Variants in GRK4 observed in about 807,000 individuals in gnomAD.
The protein encoded by GRK4 is G protein-coupled receptor kinase 2-like.
Under a neutral mutation model 77.9 loss-of-function variants are expected in GRK4, and 73 were observed. The observed-to-expected ratio is 0.94, with a 90% CI of 0.78 to 1.14. The LOEUF (loss-of-function observed/expected upper bound fraction) is 1.14. Ranked by LOEUF, GRK4 falls within the 50% of genes most tolerant of loss-of-function variation. The pLI is 0.00. For missense variants in GRK4, 729 were observed against 700.2 expected (o/e 1.04, Z -0.46); for synonymous variants, 257 against 254.4 (o/e 1.01, Z -0.10).
At chr4:2,969,510 G>A (rs2109388407) in intron 1 of GRK4, among the ~76,000 whole-genome samples, 1 of 151,950 alleles carries the variant, frequency 6.6e-6, no homozygotes, top group East Asian at 1.9e-4. Flanking sequence ...CCAAGTAGCT[G>A]GGATTACAGG....
At chr4:3,003,426 A>C (rs1380521888) in intron 4 of GRK4, among the ~76,000 whole-genome samples, 1 of 151,906 alleles carries the variant, frequency 6.6e-6, no homozygotes, top group African/African-American at 2.4e-5. Flanking sequence ...CCTGACCTCA[A>C]CTGATCCACA....
At chr4:2,979,220 G>A (rs1484514192) in intron 1 of GRK4, among the ~76,000 whole-genome samples, 3 of 147,658 alleles carry the variant, frequency 2.0e-5, no homozygotes, top group Non-Finnish European at 4.5e-5. Flanking sequence ...ACGAGACTCC[G>A]TCTCAAAAAA....
chr4:3,037,727 C>T (rs1741177976), intron 14 of GRK4, among the ~76,000 whole-genome samples: 1 of 151,958 alleles, frequency 6.6e-6, no homozygotes, highest in Admixed American at 6.5e-5. Flanking sequence ...CCAGCCTGGC[C>T]AACATAGTGA....
chr4:3,004,177 C>A, intron 4 of GRK4, 54 bp from the exon 5 acceptor site: 1 of 1,242,562 alleles, frequency 8.0e-7, no homozygotes, highest in Non-Finnish European at 1.2e-6. Flanking sequence ...GTTCTGTTCA[C>A]TAGTAAGTTA....
At chr4:2,979,512 G>A (rs763800295) in intron 1 of GRK4, among the ~76,000 whole-genome samples, 1 of 151,868 alleles carries the variant, frequency 6.6e-6, no homozygotes, top group Non-Finnish European at 1.5e-5. Flanking sequence ...TCAGGAGTTC[G>A]AGACCAGCCT....
rs781448935 is a variant in GRK4 at position 3,038,498 on chromosome 4, A to G, written c.1668A>G (p.Arg556=). Residue 556 remains arginine, a synonymous_variant, in exon 15 of 16, where the codon AGA becomes AGG. Transcript: ENST00000398052. ...VSRPNRGFFY[R]LFRRGGCLTM... Reference sequence around the variant, plus strand: ...GACCAAACAGAGGCTTCTTCTATAGACTCTTCAGAAGAGGGGTAAAAAGAC... The same window carrying G: ...GACCAAACAGAGGCTTCTTCTATAGGCTCTTCAGAAGAGGGGTAAAAAGAC... The G allele has an allele frequency of 6.2e-7, 1 of 1,613,164 alleles. No individual in the cohort carries two copies. The highest frequency in any genetic ancestry group is 8.5e-7 in the Non-Finnish European group (1 of 1,179,846).
chr4:3,032,700 A>G (rs978265156), intron 12 of GRK4, among the ~76,000 whole-genome samples: 3 of 152,240 alleles, frequency 2.0e-5, no homozygotes, highest in Non-Finnish European at 4.4e-5. Context: ...CATTTATGAA[A>G]TGTAGATGAG....
Position 3,019,661 on chromosome 4 carries a change from T to C in GRK4, c.762T>C (p.Tyr254=). 1.2e-6 allele frequency: 2 copies of C among 1,613,644 alleles called. No individual in the cohort carries two copies. The highest frequency in any genetic ancestry group is 1.7e-6 in the Non-Finnish European group (2 of 1,179,676). ...TTTAGGTTAGTTTAGCCTACGCTTA[T>C]GAAACCAAAGATGCCTTGTGCTTGG... ...SRFVVSLAYA[Y]ETKDALCLVL... is the part of the protein sequence containing the mutation. Residue 254 remains tyrosine, a synonymous_variant, in exon 9 of 16, where the codon TAT becomes TAC. Coordinates refer to ENST00000398052, the MANE Select transcript of GRK4 (RefSeq NM_182982.3).
In GRK4 at chr4:3,035,187, G is replaced by T. The variant is rs1578408021; in HGVS notation, c.1270-199G>T. On this transcript the variant is annotated intron_variant, in intron 12 of 15. Transcript: ENST00000398052. Reference sequence around the variant, plus strand: ...GTGAACCCGGGAGGCTGAGCTTGCAGTGAGCCGAGATCGCACCACTGCACT... The same window carrying T: ...GTGAACCCGGGAGGCTGAGCTTGCATTGAGCCGAGATCGCACCACTGCACT... Among the ~76,000 whole-genome samples the T allele has an allele frequency of 2.0e-5, 3 of 152,082 alleles. No individual in the cohort carries two copies. In the Middle Eastern group the frequency reaches 0.01, roughly 517 times the overall value.
intron 6 of GRK4, 134 bp from the exon 7 acceptor site, chr4:3,009,514 C>T (rs1378181123): frequency 1.7e-6 from 1 of 604,270 alleles, no homozygotes; most frequent in South Asian, 2.1e-5. Flanking sequence ...TGAGCACAGA[C>T]ACCCTTTGTC....
intron 1 of GRK4, among the ~76,000 whole-genome samples, chr4:2,980,160 A>G (rs1722470615): frequency 6.6e-6 from 1 of 152,206 alleles, no homozygotes; most frequent in Non-Finnish European, 1.5e-5. Context: ...AGTGCCTGGC[A>G]CACTGGACAT....
intron 9 of GRK4, among the ~76,000 whole-genome samples, chr4:3,020,503 C>A (rs1466376308): frequency 6.6e-6 from 1 of 152,066 alleles, no homozygotes; most frequent in African/African-American, 2.4e-5. Context: ...ATAGTAGTTT[C>A]TTTTTTGCAT....
intron 1 of GRK4, among the ~76,000 whole-genome samples, chr4:2,964,710 A>G (rs554285409): frequency 3.3e-5 from 5 of 152,342 alleles, no homozygotes; most frequent in Non-Finnish European, 4.4e-5. Context: ...TATCATTATT[A>G]AAGTGAGGCA....
At chr4:2,998,649 G>A (rs964459340) in intron 4 of GRK4, among the ~76,000 whole-genome samples, 5 of 151,744 alleles carry the variant, frequency 3.3e-5, no homozygotes, top group South Asian at 2.1e-4. Flanking sequence ...AAGAATGAAC[G>A]TAACAACATA....
At chr4:3,009,608 T>G (rs183837346) in intron 6 of GRK4, 40 bp from the exon 7 acceptor site, 1 of 1,479,616 alleles carries the variant, frequency 6.8e-7, no homozygotes, top group Admixed American at 1.7e-5. Flanking sequence ...AAAAGAACAA[T>G]GCAATGTGAG....
At chr4:2,977,344 A>G (rs1721524238) in intron 1 of GRK4, among the ~76,000 whole-genome samples, 1 of 152,130 alleles carries the variant, frequency 6.6e-6, no homozygotes, top group East Asian at 1.9e-4. Flanking sequence ...AGTTATCATC[A>G]CAGACAACAC....
chr4:2,982,036 G>C (rs1723024442), intron 1 of GRK4, among the ~76,000 whole-genome samples: 3 of 152,262 alleles, frequency 2.0e-5, no homozygotes, highest in Non-Finnish European at 2.9e-5. Flanking sequence ...ATCGGAGCAG[G>C]TGCCAGGAGC....
chr4:2,992,103 C>A, intron 3 of GRK4, 112 bp from the exon 4 acceptor site: 1 of 635,978 alleles, frequency 1.6e-6, no homozygotes. Context: ...GCCTCGAACT[C>A]TTGAGCTCAA....
chr4:3,003,944 CCTGA>C (rs1452974069), intron 4 of GRK4, among the ~76,000 whole-genome samples: 1 of 152,142 alleles, frequency 6.6e-6, no homozygotes, highest in Non-Finnish European at 1.5e-5. Context: ...GTCTCAAACT[CCTGA>C]CTTCAGGTGA....
Sources: allele counts gnomAD v4.1 joint callset (sites outside exome capture counted in the v4.1 genomes callset), GRCh38; gene constraint gnomAD v4.1.1; transcripts MANE v1.5; gene names NCBI Gene and HGNC (gene_info 2026-07-23, HGNC 2026-07-21).